Variants in NAALADL2 observed in about 807,000 individuals in gnomAD.
NAALADL2 encodes N-acetylated alpha-linked acidic dipeptidase like 2.
Under a neutral mutation model 87.2 loss-of-function variants are expected in NAALADL2, and 76 were observed. That is an observed-to-expected ratio of 0.87 (90% CI 0.72 to 1.05). The LOEUF is 1.05. NAALADL2 is among the 50% of genes least tolerant of loss of function. NAALADL2 has a pLI of 0.00. For synonymous variants in NAALADL2, 354 were observed against 331.0 expected (o/e 1.07, Z -0.75); for missense variants, 1,089 against 945.8 (o/e 1.15, Z -1.99).
At chr3:175,606,079 C>A (rs1649378398) in intron 10 of NAALADL2, among the ~76,000 whole-genome samples, 1 of 152,116 alleles carries the variant, frequency 6.6e-6, no homozygotes, top group African/African-American at 2.4e-5. Flanking sequence ...GTTGTATGTC[C>A]TCAGAAGGGA....
intron 2 of NAALADL2, among the ~76,000 whole-genome samples, chr3:174,719,298 T>C (rs1447540205): frequency 6.6e-6 from 1 of 152,132 alleles, no homozygotes; most frequent in Non-Finnish European, 1.5e-5. Flanking sequence ...CTTTATACTT[T>C]TATGTGAAAA....
At chr3:174,568,685 G>A (rs13096662) in intron 2 of NAALADL2, among the ~76,000 whole-genome samples, 28,333 of 150,972 alleles carry the variant, frequency 0.19, 4,119 homozygotes, top group East Asian at 0.74. Flanking sequence ...GTTTTTTATC[G>A]GTCTTATCAG....
chr3:174,484,807 C>T (rs1201882281), intron 1 of NAALADL2, among the ~76,000 whole-genome samples: 4 of 90,556 alleles, frequency 4.4e-5, no homozygotes, highest in African/African-American at 1.9e-4. Flanking sequence ...TTTAATGTGT[C>T]GAGTGTGATT....
chr3:174,743,318 C>T (rs916378496), intron 3 of NAALADL2, among the ~76,000 whole-genome samples: 20 of 151,766 alleles, frequency 1.3e-4, no homozygotes, highest in African/African-American at 4.6e-4. Flanking sequence ...ATTTAAACGT[C>T]TCCAGAGCAC....
intron 1 of NAALADL2, among the ~76,000 whole-genome samples, chr3:174,872,462 C>T (rs1353101461): frequency 6.6e-6 from 1 of 152,074 alleles, no homozygotes; most frequent in Non-Finnish European, 1.5e-5. Flanking sequence ...CTTCAGTTGC[C>T]ATTTTTGGCA....
At chr3:174,623,239 G>A (rs1721215432) in intron 2 of NAALADL2, among the ~76,000 whole-genome samples, 1 of 152,112 alleles carries the variant, frequency 6.6e-6, no homozygotes, top group Admixed American at 6.6e-5. Context: ...GCAGATACTT[G>A]GAACACTTAA....
chr3:175,344,786 T>G (rs1447245845), intron 5 of NAALADL2, among the ~76,000 whole-genome samples: 2 of 152,286 alleles, frequency 1.3e-5, no homozygotes, highest in Admixed American at 1.3e-4. Context: ...TTTTATCATT[T>G]GATGTCAATT....
intron 9 of NAALADL2, among the ~76,000 whole-genome samples, chr3:175,516,417 T>G (rs1731842714): frequency 6.6e-6 from 1 of 152,162 alleles, no homozygotes; most frequent in Non-Finnish European, 1.5e-5. Context: ...GTGAGATAAG[T>G]GTGTGTGATA....
At chr3:175,321,231 A>G (rs1759815450) in intron 4 of NAALADL2, among the ~76,000 whole-genome samples, 1 of 146,146 alleles carries the variant, frequency 6.8e-6, no homozygotes, top group Non-Finnish European at 1.5e-5. Flanking sequence ...GCCAAAGACA[A>G]AAACCACATG....
chr3:174,442,456 C>T (rs1714733730), intron 1 of NAALADL2, among the ~76,000 whole-genome samples: 1 of 151,948 alleles, frequency 6.6e-6, no homozygotes, highest in South Asian at 2.1e-4. Flanking sequence ...AAAAGTAACT[C>T]CTCTTAATAA....
chr3:175,238,559 G>T (rs1746309471), intron 3 of NAALADL2, among the ~76,000 whole-genome samples: 1 of 151,978 alleles, frequency 6.6e-6, no homozygotes, highest in Non-Finnish European at 1.5e-5. Flanking sequence ...TCTATATCAA[G>T]AAAGCACATG....
At chr3:175,109,576 A>C (rs1338941551) in intron 2 of NAALADL2, among the ~76,000 whole-genome samples, 2 of 151,810 alleles carry the variant, frequency 1.3e-5, no homozygotes, top group African/African-American at 4.8e-5. Flanking sequence ...GGAAAGAAAG[A>C]GGGAAGGAAT....
intron 3 of NAALADL2, among the ~76,000 whole-genome samples, chr3:174,836,408 A>G (rs960268395): frequency 6.6e-6 from 1 of 152,204 alleles, no homozygotes; most frequent in Non-Finnish European, 1.5e-5. Flanking sequence ...GATTGGTTGC[A>G]CAACAATGTG....
chr3:174,887,541 AC>A (rs1310191085), intron 1 of NAALADL2, among the ~76,000 whole-genome samples: 6 of 152,102 alleles, frequency 3.9e-5, no homozygotes, highest in Non-Finnish European at 8.8e-5. Flanking sequence ...ACATCCATAA[AC>A]CCAGCAATTT....
chr3:175,776,267 TC>T (rs1397408852), intron 13 of NAALADL2: 2 of 152,260 alleles, frequency 1.3e-5, no homozygotes, highest in Admixed American at 1.3e-4. Flanking sequence ...TTGACATACC[TC>T]CCCAGTAGCC....
At chr3:174,913,495 A>G (rs1008433146) in intron 1 of NAALADL2, among the ~76,000 whole-genome samples, 1 of 152,160 alleles carries the variant, frequency 6.6e-6, no homozygotes, top group Non-Finnish European at 1.5e-5. Flanking sequence ...CATTCACAAG[A>G]TACCTGGACT....
At chr3:175,490,878 A>G (rs1727973196) in intron 9 of NAALADL2, among the ~76,000 whole-genome samples, 2 of 152,144 alleles carry the variant, frequency 1.3e-5, no homozygotes, top group Admixed American at 1.3e-4. Flanking sequence ...GTTAATTATT[A>G]CCTTATAGTT....
intron 4 of NAALADL2, among the ~76,000 whole-genome samples, chr3:175,314,564 TATATATA>T (rs1758799880): frequency 1.0e-3 from 5 of 5,022 alleles, no homozygotes; most frequent in Non-Finnish European, 1.1e-3. Flanking sequence ...ACATTCTAAC[TATATATA>T]TATATATATA....
At chr3:175,716,320 A>G (rs1454950474) in intron 11 of NAALADL2, among the ~76,000 whole-genome samples, 1 of 146,920 alleles carries the variant, frequency 6.8e-6, no homozygotes, top group Admixed American at 6.9e-5. Flanking sequence ...CATATATAAT[A>G]TACAGATATA....
Sources: gnomAD v4.1 joint callset for allele counts (sites outside exome capture counted in the v4.1 genomes callset) on GRCh38, gnomAD v4.1.1 for gene constraint, MANE v1.5 for transcripts, NCBI Gene and HGNC (gene_info 2026-07-23, HGNC 2026-07-21) for gene names.